Variants in POLRMT observed in about 807,000 individuals in gnomAD.
POLRMT encodes the protein RNA polymerase mitochondrial.
A neutral mutation model predicts 132.2 loss-of-function variants in POLRMT; 114 were observed. That is an observed-to-expected ratio of 0.86 (90% CI 0.74 to 1.01). The LOEUF (loss-of-function observed/expected upper bound fraction) is 1.01. Among genes scored for constraint, POLRMT ranks in the 50% least tolerant of loss-of-function variants. POLRMT has a pLI of 0.00. For synonymous variants in POLRMT, 1,020 were observed against 773.4 expected, an observed-to-expected ratio of 1.32 and a Z score of -5.29; for missense variants, 2,003 against 1,729.1, an observed-to-expected ratio of 1.16 and a Z score of -2.81.
chr19:622,364 G>C lies in POLRMT; in HGVS notation c.1636C>G (p.Pro546Ala). Reference sequence around the variant, plus strand: ...TCCCAGTACTGCCGCGGCAGGCAGGGCTCGGGCACCTGTAGGACAGGGCGG... The same window carrying C: ...TCCCAGTACTGCCGCGGCAGGCAGGCCTCGGGCACCTGTAGGACAGGGCGG... The part of the protein sequence containing the change: ...LLASDAEVPE[P>A]CLPRQYWEEL... The change falls in exon 9 of 21, where the codon CCC (proline) becomes GCC (alanine). Residue 546 changes from proline to alanine, a missense_variant. Physicochemically the swap from Pro to Ala is conservative, Grantham distance 27 (BLOSUM62 -1). Coordinates refer to ENST00000588649, the MANE Select transcript of POLRMT (RefSeq NM_005035.4). The C allele has an allele frequency of 6.5e-7, 1 of 1,550,134 alleles. No individual in the cohort carries two copies. The highest frequency in any genetic ancestry group is 8.7e-7 in the Non-Finnish European group (1 of 1,149,172).
chr19:618,380 C>G (rs1984185382), intron 17 of POLRMT, 108 bp downstream of exon 17: 1 of 842,756 alleles, frequency 1.2e-6, no homozygotes, highest in African/African-American at 1.7e-5. Context: ...CAGATCCACT[C>G]TGCCCAGTCC....
At chr19:628,780 A>G (rs1162250564) in intron 3 of POLRMT, among the ~76,000 whole-genome samples, 4 of 152,168 alleles carry the variant, frequency 2.6e-5, no homozygotes, top group African/African-American at 9.7e-5. Flanking sequence ...TCAGGGGGGC[A>G]GATCACGAGG....
At chr19:629,437 G>C (rs889318988) in intron 3 of POLRMT, 103 bp downstream of exon 3, 1 of 1,152,744 alleles carries the variant, frequency 8.7e-7, no homozygotes, top group Non-Finnish European at 1.1e-6. Context: ...AAAAAACAAA[G>C]GACTTGAACC....
chr19:619,755 A>G lies in POLRMT; in HGVS notation c.2897T>C (p.Phe966Ser), dbSNP rs1600560315. 6.3e-7 allele frequency: 1 copy of G among 1,581,770 alleles called. No individual in the cohort carries two copies. Among genetic ancestry groups the G allele is most frequent in the Non-Finnish European group, 8.6e-7 (1 of 1,163,446 alleles). ...YSGVAAQVEV[F>S]RRQDAQRGMR... ...GCCCCGCTGGGCGTCCTGCCTACGG[A>G]ACACCTCCACCTGCACGGCGGGTGG... Residue 966 changes from phenylalanine (F) to serine (S), a missense_variant, in exon 13 of 21, where the codon TTC (phenylalanine) becomes TCC (serine). Transcript: ENST00000588649.
intron 5 of POLRMT, among the ~76,000 whole-genome samples, chr19:624,064 A>G (rs41560514): frequency 1.0e-3 from 158 of 152,384 alleles, no homozygotes; most frequent in African/African-American, 3.5e-3. Context: ...CTCGCAGTCG[A>G]TAAGTAGAAA....
intron 10 of POLRMT, 132 bp downstream of exon 10, chr19:620,923 AGGG>A: frequency 3.6e-5 from 3 of 82,858 alleles, no homozygotes; most frequent in South Asian, 2.4e-4. Context: ...GAAGACGGGC[AGGG>A]GGCGCCAGGG....
chr19:623,250 G>A (rs1284922130), intron 6 of POLRMT, among the ~76,000 whole-genome samples: 1 of 152,244 alleles, frequency 6.6e-6, no homozygotes, highest in African/African-American at 2.4e-5. Flanking sequence ...CTGAGCGGCA[G>A]CCAGGCTGAG....
Position 622,737 on chromosome 19 carries a change from G to GC in POLRMT, c.1470dup (p.Pro491AlafsTer5). 1 of 1,591,502 alleles carries GC rather than the reference G, an allele frequency of 6.3e-7. No individual in the cohort carries two copies. The highest frequency in any genetic ancestry group is 8.5e-7 in the Non-Finnish European group (1 of 1,170,692). ...GTGGTGAAGGACTCACCTTGGGCGG[G>GC]CAGCGCCTGCAGGACCTGCGGAAGG... On this transcript the variant is annotated frameshift_variant, in exon 8 of 21. Coordinates refer to ENST00000588649, the MANE Select transcript of POLRMT (RefSeq NM_005035.4). LOFTEE classifies it high-confidence loss of function.
chr19:620,918 C>T (rs1006978458), intron 10 of POLRMT, 140 bp downstream of exon 10: 15,021 of 114,894 alleles, frequency 0.13, 2,202 homozygotes, highest in South Asian at 0.39. Context: ...AGGAGGAAGA[C>T]GGGCAGGGGG....
At chr19:617,967 G>A in intron 17 of POLRMT, 118 bp from the exon 18 acceptor site, 2 of 844,726 alleles carry the variant, frequency 2.4e-6, no homozygotes, top group Non-Finnish European at 1.9e-6. Flanking sequence ...CCACCCTCCT[G>A]CAGGCCTCGC....
intron 14 of POLRMT, 29 bp downstream of exon 14, chr19:619,181 T>C (rs1414158930): frequency 6.2e-7 from 1 of 1,610,818 alleles, no homozygotes; most frequent in Non-Finnish European, 8.5e-7. Flanking sequence ...TAGGGAGTCC[T>C]GGCCGAGCGG....
At chr19:619,385 G>T in intron 13 of POLRMT, 89 bp from the exon 14 acceptor site, 1 of 1,459,742 alleles carries the variant, frequency 6.9e-7, no homozygotes, top group Non-Finnish European at 9.5e-7. Flanking sequence ...TGAGGCCCAA[G>T]GCCTAGGGCC....
chr19:633,529 G>GGCGCTGCCGCTGCCGCCGCC lies in POLRMT; in HGVS notation c.-18_-17insGGCGGCGGCAGCGGCAGCGC. On this transcript the variant is annotated 5_prime_UTR_variant, in exon 1 of 21. Coordinates refer to ENST00000588649, the MANE Select transcript of POLRMT (RefSeq NM_005035.4). ...TGCCGACATTACGCACGCCGCTCCAGGCCACCCCACCGGCCCGCGCCTGCG... is the reference window on the plus strand; with the variant it reads ...TGCCGACATTACGCACGCCGCTCCAGGCGCTGCCGCTGCCGCCGCCGCCACCCCACCGGCCCGCGCCTGCG... The GGCGCTGCCGCTGCCGCCGCC allele has an allele frequency of 6.8e-7, 1 of 1,463,692 alleles. No homozygotes were observed. Among genetic ancestry groups the GGCGCTGCCGCTGCCGCCGCC allele is most frequent in the Non-Finnish European group, 9.0e-7 (1 of 1,109,956 alleles). The allele number at this position is 1,463,692 out of a possible 1,614,324, so 90.7% of individuals were successfully genotyped here.
intron 10 of POLRMT, 76 bp from the exon 11 acceptor site, chr19:620,563 A>G: frequency 6.9e-7 from 1 of 1,443,784 alleles, no homozygotes; most frequent in Non-Finnish European, 9.2e-7. Context: ...TGTTGCGGGG[A>G]GGTGGGAAAT....
intron 2 of POLRMT, among the ~76,000 whole-genome samples, chr19:632,538 G>GGGC (rs1985497284): frequency 7.6e-6 from 1 of 131,102 alleles, no homozygotes; most frequent in Non-Finnish European, 1.5e-5. Flanking sequence ...GGCGGGGCCG[G>GGGC]GGGGGGGGTC....
intron 3 of POLRMT, among the ~76,000 whole-genome samples, chr19:626,630 C>CAA (rs59425267): frequency 6.7e-5 from 5 of 74,256 alleles, no homozygotes; most frequent in South Asian, 5.0e-4. Flanking sequence ...ACTAAAAATA[C>CAA]AAAAAAAAAA....
chr19:626,886 T>TACACAC (rs143170943), intron 3 of POLRMT, among the ~76,000 whole-genome samples: 19 of 143,704 alleles, frequency 1.3e-4, no homozygotes, highest in Admixed American at 3.4e-4. Flanking sequence ...TCTTAAAATA[T>TACACAC]ACACACACAC....
intron 3 of POLRMT, among the ~76,000 whole-genome samples, chr19:625,783 T>C (rs998979043): frequency 6.6e-6 from 1 of 150,630 alleles, no homozygotes; most frequent in African/African-American, 2.4e-5. Flanking sequence ...CTGGGCCGGG[T>C]TCTCTGCCTC....
intron 10 of POLRMT, 108 bp from the exon 11 acceptor site, chr19:620,595 G>T: frequency 7.5e-7 from 1 of 1,340,864 alleles, no homozygotes; most frequent in South Asian, 1.5e-5. Flanking sequence ...GCACACCCGT[G>T]ATAGTGAACA....
Sources: gnomAD v4.1 joint callset for allele counts (sites outside exome capture counted in the v4.1 genomes callset) on GRCh38, gnomAD v4.1.1 for gene constraint, MANE v1.5 for transcripts, NCBI Gene and HGNC (gene_info 2026-07-23, HGNC 2026-07-21) for gene names.